Variants in TECRL observed in about 807,000 individuals in gnomAD.
The protein encoded by TECRL is trans-2,3-enoyl-CoA reductase-like.
TECRL carries 63 observed loss-of-function variants against 52.8 expected under a neutral mutation model. The ratio of observed to expected loss-of-function variants is 1.19; its 90% CI spans 0.97 to 1.47. The LOEUF (loss-of-function observed/expected upper bound fraction) is 1.47, where lower values mean the gene tolerates loss of function less well. TECRL is among the 40% of genes most tolerant of loss of function. TECRL has a pLI of 0.00. For synonymous variants in TECRL, 164 were observed against 141.9 expected (o/e 1.16, Z -1.10); for missense variants, 482 against 429.6 (o/e 1.12, Z -1.08).
chr4:64,288,975 C>T (rs2109944245), intron 9 of TECRL, among the ~76,000 whole-genome samples: 1 of 152,286 alleles, frequency 6.6e-6, no homozygotes, highest in East Asian at 1.9e-4. Context: ...ACCACTTCTT[C>T]AAGCATCTGG....
chr4:64,342,976 T>A (rs1290556093), intron 2 of TECRL, among the ~76,000 whole-genome samples: 3 of 152,090 alleles, frequency 2.0e-5, no homozygotes, highest in African/African-American at 7.2e-5. Flanking sequence ...TTTACAACTC[T>A]GTGTTGTGAT....
chr4:64,375,414 A>G (rs1260814175), intron 1 of TECRL, among the ~76,000 whole-genome samples, 191 bp from the exon 2 acceptor site: 1 of 152,004 alleles, frequency 6.6e-6, no homozygotes, highest in Non-Finnish European at 1.5e-5. Context: ...ATTTTTTAAA[A>G]AAATTTGTTT....
chr4:64,300,499 A>G (rs1723953392), intron 7 of TECRL, among the ~76,000 whole-genome samples: 1 of 150,798 alleles, frequency 6.6e-6, no homozygotes, highest in Admixed American at 6.6e-5. Flanking sequence ...TGACCTTAAA[A>G]TAAAAAAAAA....
chr4:64,375,542 A>G (rs1722339919), intron 1 of TECRL, among the ~76,000 whole-genome samples: 1 of 151,938 alleles, frequency 6.6e-6, no homozygotes, highest in Non-Finnish European at 1.5e-5. Context: ...TCATAAAACT[A>G]TCAATTAAAA....
chr4:64,345,923 A>AAAAAAAAAAAAAAAC (rs1560516713), intron 2 of TECRL, among the ~76,000 whole-genome samples: 1 of 145,128 alleles, frequency 6.9e-6, no homozygotes, highest in East Asian at 2.0e-4. Flanking sequence ...AAAAAAAAAA[A>AAAAAAAAAAAAAAAC]AAAAAAAACA....
intron 1 of TECRL, among the ~76,000 whole-genome samples, chr4:64,403,336 A>T (rs1278283301): frequency 1.3e-5 from 2 of 151,890 alleles, no homozygotes; most frequent in African/African-American, 4.8e-5. Flanking sequence ...CTATACATGG[A>T]TATCACACAG....
intron 1 of TECRL, among the ~76,000 whole-genome samples, chr4:64,394,935 CAG>C (rs1179030695): frequency 1.8e-5 from 2 of 109,850 alleles, no homozygotes; most frequent in Non-Finnish European, 3.4e-5. Context: ...TTTTTTGAGA[CAG>C]AGTCTCACTC....
intron 1 of TECRL, among the ~76,000 whole-genome samples, chr4:64,393,113 A>T (rs1723660452): frequency 6.6e-6 from 1 of 151,958 alleles, no homozygotes; most frequent in Non-Finnish European, 1.5e-5. Context: ...CTACATTTCT[A>T]CCAATAGTTC....
chr4:64,319,778 C>A (rs1458761822), intron 4 of TECRL, among the ~76,000 whole-genome samples: 1 of 151,766 alleles, frequency 6.6e-6, no homozygotes, highest in Non-Finnish European at 1.5e-5. Flanking sequence ...GTAAAGGAAC[C>A]AATTATTGAT....
At chr4:64,374,973 G>A (rs1170160405) in intron 2 of TECRL, among the ~76,000 whole-genome samples, 199 bp downstream of exon 2, 1 of 152,098 alleles carries the variant, frequency 6.6e-6, no homozygotes, top group African/African-American at 2.4e-5. Flanking sequence ...AATTGGAAAT[G>A]CTGGAGATTA....
At chr4:64,280,766 C>T (rs981604952) in intron 11 of TECRL, among the ~76,000 whole-genome samples, 2 of 152,092 alleles carry the variant, frequency 1.3e-5, no homozygotes, top group African/African-American at 4.8e-5. Flanking sequence ...AAGCGAAATG[C>T]GTTGTTATCA....
chr4:64,401,996 G>T (rs1186156998), intron 1 of TECRL, among the ~76,000 whole-genome samples: 1 of 151,864 alleles, frequency 6.6e-6, no homozygotes. Flanking sequence ...CTTTTCATTG[G>T]TCTAAAAAAT....
At chr4:64,408,110 A>G (rs1030749947) in intron 1 of TECRL, among the ~76,000 whole-genome samples, 2 of 151,706 alleles carry the variant, frequency 1.3e-5, no homozygotes, top group Non-Finnish European at 2.9e-5. Flanking sequence ...ATATAACTCA[A>G]TTTATAAACT....
At chr4:64,308,799 TG>T (rs1221653537) in intron 6 of TECRL, among the ~76,000 whole-genome samples, 1 of 152,194 alleles carries the variant, frequency 6.6e-6, no homozygotes, top group Non-Finnish European at 1.5e-5. Context: ...TTGCTCCACT[TG>T]TACTAATATT....
At chr4:64,391,917 C>G (rs764000743) in intron 1 of TECRL, among the ~76,000 whole-genome samples, 8 of 151,840 alleles carry the variant, frequency 5.3e-5, no homozygotes, top group Non-Finnish European at 1.0e-4. Flanking sequence ...TAAAAATAAA[C>G]TGACAAAATC....
chr4:64,367,296 A>G (rs1027570741), intron 2 of TECRL, among the ~76,000 whole-genome samples: 2 of 152,212 alleles, frequency 1.3e-5, no homozygotes, highest in Middle Eastern at 6.8e-3. Context: ...TATGTTCACA[A>G]CATGGGTAAT....
intron 1 of TECRL, among the ~76,000 whole-genome samples, chr4:64,386,325 A>G (rs1723175797): frequency 6.6e-6 from 1 of 152,190 alleles, no homozygotes; most frequent in African/African-American, 2.4e-5. Context: ...TTTACTGTTC[A>G]TTAAGTGGAA....
intron 1 of TECRL, among the ~76,000 whole-genome samples, chr4:64,390,404 A>C (rs1723472663): frequency 6.6e-6 from 1 of 151,918 alleles, no homozygotes; most frequent in African/African-American, 2.4e-5. Context: ...GAAATGTAAC[A>C]GGAAGTTACA....
intron 1 of TECRL, among the ~76,000 whole-genome samples, chr4:64,400,154 C>T (rs944341196): frequency 6.6e-5 from 10 of 152,138 alleles, no homozygotes; most frequent in African/African-American, 2.4e-4. Flanking sequence ...ACCAGTGTGT[C>T]TTGGATGTGA....
Sources: allele counts gnomAD v4.1 joint callset (sites outside exome capture counted in the v4.1 genomes callset), GRCh38; gene constraint gnomAD v4.1.1; transcripts MANE v1.5; gene names NCBI Gene and HGNC (gene_info 2026-07-23, HGNC 2026-07-21).